Variants in GRAMD1B observed in about 807,000 individuals in gnomAD.
The protein encoded by GRAMD1B is protein Aster-B.
GRAMD1B carries 37 observed loss-of-function variants against 99.7 expected under a neutral mutation model. The ratio of observed to expected loss-of-function variants is 0.37; its 90% confidence interval spans 0.29 to 0.49. The LOEUF is 0.49. Among genes scored for constraint, GRAMD1B ranks in the 20% least tolerant of loss-of-function variants. GRAMD1B has a pLI of 0.98. For synonymous variants in GRAMD1B, 427 were observed against 387.6 expected (o/e 1.10, Z -1.19); for missense variants, 888 against 1,009.2 (o/e 0.88, Z 1.63).
At chr11:123,391,002 AGT>A (rs1947257866) in intron 1 of GRAMD1B, among the ~76,000 whole-genome samples, 1 of 152,092 alleles carries the variant, frequency 6.6e-6, no homozygotes, top group African/African-American at 2.4e-5. Flanking sequence ...TAGGCCACTG[AGT>A]GTTACCGGAG....
intron 2 of GRAMD1B, among the ~76,000 whole-genome samples, chr11:123,536,113 C>G (rs1349373590): frequency 1.3e-5 from 2 of 152,150 alleles, no homozygotes; most frequent in Non-Finnish European, 2.9e-5. Flanking sequence ...CCTTGATTCT[C>G]TCATCTGTAA....
chr11:123,588,369 G>A (rs970359569), intron 4 of GRAMD1B, among the ~76,000 whole-genome samples: 1 of 152,296 alleles, frequency 6.6e-6, no homozygotes, highest in Admixed American at 6.5e-5. Context: ...GCATGGGTGT[G>A]GGGGAGACAA....
rs779719653 is a variant in GRAMD1B at position 123,610,302 on chromosome 11, C to T, written c.1883C>T (p.Thr628Met). The T allele has an allele frequency of 2.7e-5, 43 of 1,613,866 alleles. No homozygotes were observed. The highest frequency in any genetic ancestry group is 1.6e-4 in the East Asian group (7 of 44,890). The change falls in exon 14 of 20, where the codon ACG becomes ATG. Residue 628 changes from threonine (T) to methionine (M), a missense_variant. Thr to Met is a moderately conservative substitution (Grantham distance 81). Coordinates refer to ENST00000635736, the MANE Select transcript of GRAMD1B (RefSeq NM_001387025.1). This position sits in a 1 kb window ranked among gnomAD's most constrained non-coding sequence, Gnocchi z 4.1. ...TACTTCTACACAATCAATCGCTACA[C>T]GCTCACCCGTGTGGCTCGGAACAAG... ...HDYFYTINRY[T>M]LTRVARNKSR...
intron 1 of GRAMD1B, among the ~76,000 whole-genome samples, chr11:123,389,027 A>G (rs1225115768): frequency 1.3e-5 from 2 of 152,120 alleles, no homozygotes; most frequent in African/African-American, 4.8e-5. Flanking sequence ...ACAATGGCAC[A>G]TTACCTCTGT....
At chr11:123,401,874 C>T (rs188953803) in intron 1 of GRAMD1B, among the ~76,000 whole-genome samples, 1 of 152,252 alleles carries the variant, frequency 6.6e-6, no homozygotes, top group Admixed American at 6.5e-5. Flanking sequence ...TCATCACTCA[C>T]TCCAGCCTGG....
At chr11:123,572,632 G>A (rs572453581) in intron 2 of GRAMD1B, among the ~76,000 whole-genome samples, 1 of 152,302 alleles carries the variant, frequency 6.6e-6, no homozygotes, top group South Asian at 2.1e-4. Flanking sequence ...GGGTATATGT[G>A]GGCTTAGTCT....
intron 1 of GRAMD1B, among the ~76,000 whole-genome samples, chr11:123,470,530 T>A (rs1409258434): frequency 3.9e-5 from 3 of 76,228 alleles, no homozygotes; most frequent in Non-Finnish European, 5.5e-5. Context: ...TTTTTTTTTT[T>A]TGAGGCGGGG....
intron 2 of GRAMD1B, among the ~76,000 whole-genome samples, chr11:123,501,085 G>A (rs2135162869): frequency 6.6e-6 from 1 of 152,266 alleles, no homozygotes; most frequent in South Asian, 2.1e-4. Flanking sequence ...TCTAGATGAG[G>A]CTTAGATTGT....
chr11:123,469,741 CTTT>C (rs1565526015), intron 1 of GRAMD1B, among the ~76,000 whole-genome samples: 168 of 53,602 alleles, frequency 3.1e-3, no homozygotes, highest in Non-Finnish European at 5.9e-3. Context: ...CTTTCTTTCT[CTTT>C]CTTTCTTTCT....
At chr11:123,420,927 G>A (rs1948411723) in intron 1 of GRAMD1B, among the ~76,000 whole-genome samples, 1 of 152,114 alleles carries the variant, frequency 6.6e-6, no homozygotes. Flanking sequence ...GAAATCTTAG[G>A]TGAATCTGAA....
intron 2 of GRAMD1B, among the ~76,000 whole-genome samples, chr11:123,540,697 A>T (rs76421997): frequency 6.6e-6 from 1 of 152,132 alleles, no homozygotes; most frequent in East Asian, 1.9e-4. Flanking sequence ...ATACCACCCC[A>T]TATTAGCATT....
intron 1 of GRAMD1B, among the ~76,000 whole-genome samples, chr11:123,366,543 A>C (rs1413572430): frequency 6.6e-6 from 1 of 152,252 alleles, no homozygotes; most frequent in African/African-American, 2.4e-5. Flanking sequence ...CCTTTGGGCT[A>C]CGTTGTATAA....
rs758756412 is a variant in GRAMD1B at position 123,431,074 on chromosome 11, C to G, written c.282C>G (p.Asn94Lys). 2 of 703,064 alleles carry G rather than the reference C, an allele frequency of 2.8e-6. No homozygotes were observed. Among genetic ancestry groups the G allele is most frequent in the South Asian group, 3.0e-5 (2 of 67,606 alleles). 43.6% of individuals were successfully genotyped at this position (703,064 alleles called of 1,614,324 possible). Reference protein sequence around the residue: ...PSSDEDTPWSNCSTPSASPRR... With the variant: ...PSSDEDTPWSKCSTPSASPRR... ...GCGACGAGGACACCCCGTGGTCCAA[C>G]TGCTCCACACCCAGCGCGTCCCCGC... is the stretch of plus-strand genomic sequence containing the variant. Residue 94 changes from asparagine (N) to lysine (K), a missense_variant, in exon 1 of 20, where the codon AAC becomes AAG. Physicochemically the swap from Asn to Lys is moderately conservative, Grantham distance 94. Around this residue, in one of 5 missense-constraint regions of GRAMD1B, gnomAD observed 233 missense variants for 154.6 expected, o/e 1.51. Coordinates refer to ENST00000635736, the MANE Select transcript of GRAMD1B (RefSeq NM_001387025.1).
intron 1 of GRAMD1B, among the ~76,000 whole-genome samples, chr11:123,359,292 T>C (rs1946059880): frequency 9.9e-6 from 1 of 100,994 alleles, no homozygotes; most frequent in Non-Finnish European, 1.9e-5. Context: ...TCTGCTTGCA[T>C]GGTAGAAGTC....
intron 1 of GRAMD1B, among the ~76,000 whole-genome samples, chr11:123,368,303 C>G (rs1317901144): frequency 6.9e-6 from 1 of 145,904 alleles, no homozygotes; most frequent in East Asian, 2.0e-4. Context: ...GGTCCCTAGA[C>G]TGCACTAATA....
At chr11:123,431,414 C>T (rs866497254) in intron 1 of GRAMD1B, among the ~76,000 whole-genome samples, 2 of 152,360 alleles carry the variant, frequency 1.3e-5, no homozygotes, top group Middle Eastern at 6.8e-3. Flanking sequence ...CTTTACGCTG[C>T]ATTCCATCTC....
At chr11:123,448,469 C>T (rs910352028) in intron 1 of GRAMD1B, among the ~76,000 whole-genome samples, 19 of 152,390 alleles carry the variant, frequency 1.2e-4, no homozygotes, top group Admixed American at 3.3e-4. Context: ...ATTCGCCCGC[C>T]TTGGCCTCCC....
chr11:123,442,930 C>A (rs1352296993), intron 1 of GRAMD1B, among the ~76,000 whole-genome samples: 1 of 151,088 alleles, frequency 6.6e-6, no homozygotes, highest in Non-Finnish European at 1.5e-5. Context: ...ATGGTCATGG[C>A]GCTGGTGGGA....
At chr11:123,612,519 C>T (rs990330250) in intron 14 of GRAMD1B, among the ~76,000 whole-genome samples, 16 of 152,202 alleles carry the variant, frequency 1.1e-4, no homozygotes, top group African/African-American at 3.9e-4. Context: ...AGTCAGAACC[C>T]TAGTTGTTAG....
Sources: gnomAD v4.1 joint callset for allele counts (sites outside exome capture counted in the v4.1 genomes callset) on GRCh38, gnomAD v4.1.1 for gene constraint, gnomAD v4.1.1 regional missense constraint, Gnocchi (gnomAD v3.1) non-coding constraint, MANE v1.5 for transcripts, NCBI Gene and HGNC (gene_info 2026-07-23, HGNC 2026-07-21) for gene names.